Variants in ZNF44 observed in about 807,000 individuals in gnomAD.
ZNF44 encodes zinc finger protein 44.
ZNF44 carries 9 observed loss-of-function variants against 11.7 expected under a neutral mutation model. The ratio of observed to expected loss-of-function variants is 0.77; its 90% CI spans 0.46 to 1.35. ZNF44 has a LOEUF of 1.35. Ranked by LOEUF, ZNF44 falls within the 40% of genes most tolerant of loss-of-function variation. The pLI is 0.00. For synonymous variants in ZNF44, 224 were observed against 242.7 expected, an observed-to-expected ratio of 0.92 and a Z score of 0.72; for missense variants, 696 against 743.1, an observed-to-expected ratio of 0.94 and a Z score of 0.74.
intron 1 of ZNF44, among the ~76,000 whole-genome samples, chr19:12,281,617 C>A (rs538927225): frequency 1.7e-4 from 26 of 152,140 alleles, no homozygotes; most frequent in African/African-American, 6.0e-4. Flanking sequence ...TAGAAAACAT[C>A]AACAAACCAA....
upstream of ZNF44, among the ~76,000 whole-genome samples, chr19:12,241,596 G>C (rs1209364810): frequency 6.6e-6 from 1 of 152,178 alleles, no homozygotes; most frequent in Non-Finnish European, 1.5e-5. Flanking sequence ...TCAGGAGGCT[G>C]AGACAGGAGA....
chr19:12,232,512 C>T (rs528084127), intron 2 of ZNF44, among the ~76,000 whole-genome samples: 1 of 152,276 alleles, frequency 6.6e-6, no homozygotes, highest in Admixed American at 6.5e-5. Context: ...GTTTGTGTCC[C>T]TGGGTACTTG....
chr19:12,260,535 T>C lies in ZNF44; in HGVS notation c.1913-10167A>G, dbSNP rs1222257218. On this transcript the variant is annotated intron_variant and NMD_transcript_variant, in intron 5 of 7. Transcript: ENST00000393337. ...GCGGACCCGCGCCACCAAGAGCTCC[T>C]GAGCCCCCTGCCCCCAAAGCAATAA... 3 of 915,922 alleles carry C rather than the reference T, an allele frequency of 3.3e-6. No individual in the cohort carries two copies. The East Asian group carries it at 7.8e-5, about 24-fold the overall frequency. 56.7% of individuals were successfully genotyped at this position (915,922 alleles called of 1,614,324 possible). A position where few individuals can be genotyped will look rare whatever the true frequency, so the allele number is the denominator to read the frequency against.
intron 1 of ZNF44, among the ~76,000 whole-genome samples, chr19:12,276,823 G>C (rs1024006453): frequency 1.6e-4 from 25 of 152,096 alleles, no homozygotes; most frequent in Non-Finnish European, 3.1e-4. Flanking sequence ...AAATAAACTG[G>C]TTATCACAGA....
At chr19:12,252,457 C>T (rs147900282) in intron 5 of ZNF44, among the ~76,000 whole-genome samples, 1 of 152,152 alleles carries the variant, frequency 6.6e-6, no homozygotes, top group Non-Finnish European at 1.5e-5. Context: ...AAGAAAGGTA[C>T]TGCAATAGAA....
At position 12,273,698 on chromosome 19, in the gene ZNF44, C is replaced by T. The variant is rs1188907586; in HGVS notation, c.557G>A (p.Arg186Lys). The change falls in exon 4 of 4, where the codon AGA becomes AAA. Residue 186 changes from arginine (R) to lysine (K), a missense_variant. By Grantham distance (26) the Arg-to-Lys change is conservative. Coordinates refer to ENST00000355684, the MANE Select transcript of ZNF44 (RefSeq NM_016264.4). The stretch of plus-strand genomic sequence containing the variant: ...ATCTCCACCTTTTACTACCATATGT[C>T]TTCGAAGGTTTCCAGGAGAACTGAA... ...KTFSSPGNLR[R>K]HMVVKGGDGP... 4 of 1,614,162 alleles carry T rather than the reference C, an allele frequency of 2.5e-6. No individual in the cohort carries two copies. The highest frequency in any genetic ancestry group is 2.2e-5 in the East Asian group (1 of 44,872).
At chr19:12,236,647 A>G (rs952884706) in intron 1 of ZNF44, among the ~76,000 whole-genome samples, 1 of 152,204 alleles carries the variant, frequency 6.6e-6, no homozygotes, top group Non-Finnish European at 1.5e-5. Context: ...GATGAAGCGA[A>G]GGTAGGACAG....
chr19:12,293,330 C>T, intron 1 of ZNF44: 9 of 1,536,970 alleles, frequency 5.9e-6, no homozygotes, highest in Non-Finnish European at 7.8e-6. Flanking sequence ...AGATTGGCAG[C>T]TTCCAGCATC....
At chr19:12,229,155 A>G (rs538046884) in intron 3 of ZNF44, among the ~76,000 whole-genome samples, 3 of 152,310 alleles carry the variant, frequency 2.0e-5, no homozygotes, top group Admixed American at 6.5e-5. Context: ...CACATAACAC[A>G]TATATAACCA....
intron 1 of ZNF44, among the ~76,000 whole-genome samples, chr19:12,292,130 A>T (rs1968032950): frequency 6.6e-6 from 1 of 152,164 alleles, no homozygotes; most frequent in South Asian, 2.1e-4. Flanking sequence ...GGACTTCAAG[A>T]CCAGCCTGGC....
chr19:12,287,397 G>A (rs1029493508), intron 1 of ZNF44, among the ~76,000 whole-genome samples: 3 of 151,996 alleles, frequency 2.0e-5, no homozygotes, highest in Admixed American at 6.6e-5. Flanking sequence ...TGTATTTTTA[G>A]TAGAGATGGG....
downstream of ZNF44, among the ~76,000 whole-genome samples, chr19:12,244,925 G>T (rs114906947): frequency 4.6e-3 from 697 of 152,228 alleles, 3 homozygotes; most frequent in African/African-American, 0.016. Context: ...ACCCTCTTAT[G>T]GATAACCCTC....
downstream of ZNF44, among the ~76,000 whole-genome samples, chr19:12,267,902 T>C (rs1447153867): frequency 6.7e-6 from 1 of 150,044 alleles, no homozygotes; most frequent in Non-Finnish European, 1.5e-5. Flanking sequence ...AGTGGTGTGA[T>C]CTCGGTTCAC....
At chr19:12,247,806 T>C (rs1222557808) in exon 8 of ZNF44, 3 of 1,300,670 alleles carry the variant, frequency 2.3e-6, no homozygotes, top group Non-Finnish European at 3.0e-6. Flanking sequence ...AGTACTTTCA[T>C]GTGCTTGAAA....
At chr19:12,247,316 T>C (rs1916795347), downstream of ZNF44, 2 of 1,279,644 alleles carry the variant, frequency 1.6e-6, no homozygotes, top group South Asian at 1.3e-5. Flanking sequence ...ATTGTAAGGA[T>C]GCACGCCAAA....
At chr19:12,286,915 ACT>A (rs973499659) in intron 1 of ZNF44, among the ~76,000 whole-genome samples, 35 of 151,852 alleles carry the variant, frequency 2.3e-4, no homozygotes, top group Admixed American at 7.2e-4. Context: ...ATAGAGTAAG[ACT>A]CTGTCTCAAA....
intron 7 of ZNF44, chr19:12,248,733 T>C: frequency 9.8e-7 from 1 of 1,019,550 alleles, no homozygotes. Context: ...TTTCTCTTTA[T>C]TAACTGATAC....
chr19:12,288,105 C>A (rs1245497784), intron 1 of ZNF44, among the ~76,000 whole-genome samples: 1 of 152,140 alleles, frequency 6.6e-6, no homozygotes, highest in Non-Finnish European at 1.5e-5. Flanking sequence ...TTTCCACAGA[C>A]CCCACAAATT....
chr19:12,260,273 C>T, intron 5 of ZNF44: 2 of 834,556 alleles, frequency 2.4e-6, no homozygotes, highest in Non-Finnish European at 4.2e-6. Flanking sequence ...AGACTGTGGG[C>T]GTGGAGCCGG....
Sources: allele counts gnomAD v4.1 joint callset (sites outside exome capture counted in the v4.1 genomes callset), GRCh38; gene constraint gnomAD v4.1.1; transcripts MANE v1.5; gene names NCBI Gene and HGNC (gene_info 2026-07-23, HGNC 2026-07-21).